Variants in KCNMA1 observed in about 807,000 individuals in gnomAD.
KCNMA1 encodes the protein Calcium-activated potassium channel subunit alpha-1.
In KCNMA1, 29 loss-of-function variants were observed where a neutral mutation model predicts 140.0. The ratio of observed to expected loss-of-function variants is 0.21; its 90% CI spans 0.15 to 0.28. The LOEUF (loss-of-function observed/expected upper bound fraction) is 0.28. Among genes scored for constraint, KCNMA1 ranks in the 10% least tolerant of loss-of-function variants. The pLI is 1.00. For synonymous variants in KCNMA1, 612 were observed against 611.9 expected (o/e 1.00, Z 0.00); for missense variants, 880 against 1,602.2 (o/e 0.55, Z 7.70).
intron 1 of KCNMA1, among the ~76,000 whole-genome samples, chr10:77,418,020 G>C (rs1267926093): frequency 6.6e-6 from 1 of 152,184 alleles, no homozygotes; most frequent in Admixed American, 6.5e-5. Context: ...GAACTGGCTG[G>C]GTTCCAAAAC....
At chr10:77,039,186 C>T (rs2094509861) in intron 15 of KCNMA1, 2 of 350,490 alleles carry the variant, frequency 5.7e-6, no homozygotes, top group African/African-American at 2.1e-5. Context: ...ATTTGTTTTG[C>T]CCTCTTAGAA....
intron 1 of KCNMA1, among the ~76,000 whole-genome samples, chr10:77,471,256 C>T (rs540100630): frequency 0.037 from 5,546 of 150,276 alleles, 191 homozygotes; most frequent in Non-Finnish European, 0.049. Flanking sequence ...ACACACACAA[C>T]GCACATACAA....
intron 3 of KCNMA1, among the ~76,000 whole-genome samples, chr10:77,210,840 A>G (rs2045824093): frequency 6.6e-6 from 1 of 152,204 alleles, no homozygotes; most frequent in African/African-American, 2.4e-5. Flanking sequence ...TAAAATACCT[A>G]GGAGCACAGC....
chr10:77,504,708 T>C (rs576039468), intron 1 of KCNMA1, among the ~76,000 whole-genome samples: 191 of 152,284 alleles, frequency 1.3e-3, no homozygotes, highest in African/African-American at 4.4e-3. Flanking sequence ...GCAATTCTCC[T>C]GCCTCAGCCT....
chr10:77,033,877 A>T (rs2094131172), intron 15 of KCNMA1, among the ~76,000 whole-genome samples: 1 of 152,204 alleles, frequency 6.6e-6, no homozygotes, highest in Non-Finnish European at 1.5e-5. Context: ...ATATATGTTC[A>T]ACCCTAATTA....
intron 1 of KCNMA1, among the ~76,000 whole-genome samples, chr10:77,535,225 C>T (rs1384601030): frequency 6.6e-6 from 1 of 152,196 alleles, no homozygotes; most frequent in Non-Finnish European, 1.5e-5. Flanking sequence ...AACCAGGGCT[C>T]AAAAGTCAAA....
At position 76,940,271 on chromosome 10, in the gene KCNMA1, G is replaced by T. The variant is rs544987543; in HGVS notation, c.2902+4502C>A. Among the ~76,000 whole-genome samples the T allele has an allele frequency of 3.9e-5, 6 of 152,230 alleles. 1 individual carries two copies. The South Asian group carries it at 1.2e-3, about 32-fold the overall frequency. The stretch of plus-strand genomic sequence containing the variant: ...TGTCTGGTCCAGAATCCCTAGGCTG[G>T]GTCAGTTCTGACACCATGTGGGCTA... On this transcript the variant is annotated intron_variant, in intron 23 of 27. Transcript: ENST00000286628.
At chr10:77,152,489 A>G (rs931043887) in intron 5 of KCNMA1, among the ~76,000 whole-genome samples, 10 of 152,120 alleles carry the variant, frequency 6.6e-5, no homozygotes, top group African/African-American at 2.2e-4. Context: ...GTTTGTTATC[A>G]AGCATTTATC....
At chr10:76,949,077 C>A in intron 22 of KCNMA1, 65 bp downstream of exon 22, 1 of 1,222,932 alleles carries the variant, frequency 8.2e-7, no homozygotes, top group Non-Finnish European at 1.2e-6. Flanking sequence ...CTATTATATC[C>A]ATCCGGGATT....
At chr10:77,415,865 C>A (rs897701424) in intron 1 of KCNMA1, among the ~76,000 whole-genome samples, 1 of 152,208 alleles carries the variant, frequency 6.6e-6, no homozygotes, top group Non-Finnish European at 1.5e-5. Context: ...TGATGAAGGG[C>A]CTCTCCCAGG....
At chr10:76,969,903 G>A in intron 20 of KCNMA1, 71 bp downstream of exon 20, 1 of 1,230,552 alleles carries the variant, frequency 8.1e-7, no homozygotes, top group Non-Finnish European at 1.2e-6. Context: ...GCCTGGCAGG[G>A]TGAGGAGAGG....
At chr10:77,044,028 C>A (rs1260023823) in intron 14 of KCNMA1, among the ~76,000 whole-genome samples, 1 of 152,130 alleles carries the variant, frequency 6.6e-6, no homozygotes, top group African/African-American at 2.4e-5. Context: ...ATTTTTAAAA[C>A]CCTTATGTAT....
At chr10:77,305,724 T>C (rs1290774638) in intron 2 of KCNMA1, among the ~76,000 whole-genome samples, 6 of 152,192 alleles carry the variant, frequency 3.9e-5, no homozygotes, top group Non-Finnish European at 7.3e-5. Context: ...AGGCTACCTG[T>C]CATTCTCTTT....
At chr10:77,351,556 G>A (rs1304151355) in intron 2 of KCNMA1, among the ~76,000 whole-genome samples, 2 of 152,168 alleles carry the variant, frequency 1.3e-5, no homozygotes, top group Non-Finnish European at 2.9e-5. Context: ...TAGGGCAGCT[G>A]TAGTCTGCCC....
intron 19 of KCNMA1, among the ~76,000 whole-genome samples, chr10:77,000,105 C>A (rs893719088): frequency 4.6e-5 from 7 of 152,172 alleles, no homozygotes; most frequent in Non-Finnish European, 1.0e-4. Flanking sequence ...CTTCTTCCTC[C>A]TGTCGTCAGT....
chr10:77,018,629 G>A (rs886910352), intron 17 of KCNMA1, among the ~76,000 whole-genome samples: 3 of 152,146 alleles, frequency 2.0e-5, no homozygotes, highest in Admixed American at 6.6e-5. Context: ...GAGAGTAGTA[G>A]AAAACTGATA....
At chr10:77,093,237 T>A (rs1040519968) in intron 9 of KCNMA1, among the ~76,000 whole-genome samples, 2 of 152,118 alleles carry the variant, frequency 1.3e-5, no homozygotes, top group African/African-American at 4.8e-5. Context: ...AAAAAAACCT[T>A]CCTTCAACGT....
intron 9 of KCNMA1, among the ~76,000 whole-genome samples, chr10:77,094,183 T>C (rs898045576): frequency 1.3e-5 from 2 of 152,128 alleles, no homozygotes; most frequent in Non-Finnish European, 2.9e-5. Flanking sequence ...TCCCACCTAA[T>C]CCTTCAACAA....
intron 1 of KCNMA1, among the ~76,000 whole-genome samples, chr10:77,593,685 G>T (rs1470361512): frequency 6.6e-6 from 1 of 152,218 alleles, no homozygotes; most frequent in Non-Finnish European, 1.5e-5. Flanking sequence ...AAAGTTCAGT[G>T]GCCATTCAAT....
Sources: allele counts gnomAD v4.1 joint callset (sites outside exome capture counted in the v4.1 genomes callset), GRCh38; gene constraint gnomAD v4.1.1; transcripts MANE v1.5; gene names NCBI Gene and HGNC (gene_info 2026-07-23, HGNC 2026-07-21).